Variants in EML6 observed in about 807,000 individuals in gnomAD.
The protein encoded by EML6 is EMAP like 6.
Under a neutral mutation model 240.1 loss-of-function variants are expected in EML6, and 154 were observed. The ratio of observed to expected loss-of-function variants is 0.64; its 90% CI spans 0.56 to 0.73. The LOEUF is 0.73. EML6 is among the 30% of genes least tolerant of loss of function. EML6 has a pLI of 0.00. For synonymous variants in EML6, 1,148 were observed against 899.0 expected, an observed-to-expected ratio of 1.28 and a Z score of -4.95; for missense variants, 2,964 against 2,474.6, an observed-to-expected ratio of 1.20 and a Z score of -4.20.
chr2:54,802,944 G>C (rs1056589021), intron 2 of EML6, among the ~76,000 whole-genome samples: 2 of 152,142 alleles, frequency 1.3e-5, no homozygotes, highest in African/African-American at 4.8e-5. Context: ...GCGCAGAATT[G>C]AGAGTAGTGG....
chr2:54,813,154 T>C (rs1667933425), intron 2 of EML6, 78 bp from the exon 3 acceptor site: 1 of 1,050,632 alleles, frequency 9.5e-7, no homozygotes, highest in Non-Finnish European at 1.4e-6. Flanking sequence ...ATAATTTAAA[T>C]GAGAAACAGA....
intron 2 of EML6, among the ~76,000 whole-genome samples, chr2:54,788,521 C>T (rs187600523): frequency 1.5e-3 from 227 of 152,212 alleles, no homozygotes; most frequent in African/African-American, 4.6e-3. Flanking sequence ...TCTGGGGCCG[C>T]CCCCCGCCCC....
At chr2:54,855,283 G>C (rs1286108360) in intron 11 of EML6, among the ~76,000 whole-genome samples, 1 of 151,886 alleles carries the variant, frequency 6.6e-6, no homozygotes, top group African/African-American at 2.4e-5. Flanking sequence ...AAGGTGAGGG[G>C]GAGAAGGTAC....
intron 2 of EML6, among the ~76,000 whole-genome samples, chr2:54,812,300 C>T (rs938039602): frequency 6.8e-6 from 1 of 146,806 alleles, no homozygotes; most frequent in African/African-American, 2.6e-5. Flanking sequence ...CATATACTCT[C>T]ATTAACACCA....
rs150386713 is a variant in EML6 at position 54,863,106 on chromosome 2, T to C, written c.1826-677T>C. Among the ~76,000 whole-genome samples, 761 of 152,340 alleles carry C rather than the reference T, an allele frequency of 5.0e-3. 3 individuals carry two copies. Among genetic ancestry groups the C allele is most frequent in the South Asian group, 0.016 (76 of 4,830 alleles). On this transcript the variant is annotated intron_variant, in intron 12 of 41. Transcript: ENST00000356458. The stretch of plus-strand genomic sequence containing the variant: ...GAGCAGGTGATAAAATGAAAAATTA[T>C]TTGAATAAATGTTGACAAGAGTTCT...
chr2:54,934,975 G>C (rs1272803649), intron 28 of EML6, among the ~76,000 whole-genome samples: 1 of 152,074 alleles, frequency 6.6e-6, no homozygotes, highest in African/African-American at 2.4e-5. Context: ...CTCATTTTTG[G>C]TGATAAACTG....
At chr2:54,792,593 G>C (rs1033101521) in intron 2 of EML6, among the ~76,000 whole-genome samples, 1 of 152,192 alleles carries the variant, frequency 6.6e-6, no homozygotes, top group African/African-American at 2.4e-5. Context: ...CTGCATTACT[G>C]TGGTGGTTAC....
At chr2:54,857,015 AG>A (rs976259956) in intron 11 of EML6, among the ~76,000 whole-genome samples, 8 of 152,288 alleles carry the variant, frequency 5.3e-5, no homozygotes, top group Admixed American at 5.2e-4. Flanking sequence ...ATGAGAATAG[AG>A]GAAAAGAAAG....
In EML6 at chr2:54,724,755, G is replaced by A. The variant is rs1349901936; in HGVS notation, c.-307G>A. The A allele has an allele frequency of 6.5e-6, 1 of 152,940 alleles. No individual in the cohort carries two copies. The highest frequency in any genetic ancestry group is 6.5e-5 in the Admixed American group (1 of 15,308). 9.5% of individuals were successfully genotyped at this position (152,940 alleles called of 1,614,324 possible). On this transcript the variant is annotated 5_prime_UTR_variant, in exon 2 of 42. Coordinates refer to ENST00000356458, the MANE Select transcript of EML6 (RefSeq NM_001039753.4). The surrounding 1 kb of genome is among the most constrained non-coding windows in gnomAD (Gnocchi z 5.2). ...GGCCCCCCCGAGAGCCTCTCCCGGG[G>A]GCCGGAGCCCGCAGGTGCAGTGAGG...
At chr2:54,909,425 G>C (rs760564758) in intron 24 of EML6, among the ~76,000 whole-genome samples, 3 of 152,128 alleles carry the variant, frequency 2.0e-5, no homozygotes, top group Non-Finnish European at 2.9e-5. Context: ...ATTTGCTCAA[G>C]TCAAGGAAAA....
At chr2:54,864,170 A>G (rs569357907) in intron 13 of EML6, among the ~76,000 whole-genome samples, 22 of 152,316 alleles carry the variant, frequency 1.4e-4, no homozygotes, top group Non-Finnish European at 2.8e-4. Context: ...TTTAAAATAT[A>G]TTTTGAAGAA....
chr2:54,913,071 G>GTT (rs1216432893), intron 25 of EML6, among the ~76,000 whole-genome samples: 9,866 of 125,660 alleles, frequency 0.079, 386 homozygotes, highest in Non-Finnish European at 0.097. Flanking sequence ...GCCAGATTCT[G>GTT]TTTTTTTTTT....
intron 17 of EML6, among the ~76,000 whole-genome samples, chr2:54,886,901 T>C (rs986964266): frequency 2.0e-5 from 3 of 152,160 alleles, no homozygotes; most frequent in Non-Finnish European, 2.9e-5. Context: ...AAAGATAAAA[T>C]CGGTGGTATA....
chr2:54,946,948 C>T (rs1002137115), intron 28 of EML6, among the ~76,000 whole-genome samples: 2 of 151,198 alleles, frequency 1.3e-5, no homozygotes, highest in African/African-American at 2.4e-5. Context: ...CATCGGATTG[C>T]GTCTGTGTAT....
In EML6 at chr2:54,957,722, G is replaced by C; in HGVS notation, c.4487-68G>C. The C allele has an allele frequency of 6.3e-6, 9 of 1,438,842 alleles. No homozygotes were observed. The South Asian group carries it at 1.1e-4, about 18-fold the overall frequency. The allele number at this position is 1,438,842 out of a possible 1,614,324, so 89.1% of individuals were successfully genotyped here. On this transcript the variant is annotated intron_variant, in intron 32 of 41. Transcript: ENST00000356458. ...CGCCTGCTGGGGTGGAGACCTCCTG[G>C]GCTGCGGCTCCCCCGGCCTGGCCCA...
At chr2:54,803,406 A>G (rs1670286282) in intron 2 of EML6, among the ~76,000 whole-genome samples, 1 of 152,122 alleles carries the variant, frequency 6.6e-6, no homozygotes, top group Admixed American at 6.5e-5. Flanking sequence ...GTGGTAATAA[A>G]TCATTGGGCT....
At chr2:54,911,531 G>A (rs939678045) in intron 25 of EML6, among the ~76,000 whole-genome samples, 1 of 151,288 alleles carries the variant, frequency 6.6e-6, no homozygotes, top group African/African-American at 2.4e-5. Context: ...CCAGGTTAAT[G>A]TGATTCTCCC....
At chr2:54,729,411 C>T (rs1683058090) in intron 2 of EML6, among the ~76,000 whole-genome samples, 1 of 152,206 alleles carries the variant, frequency 6.6e-6, no homozygotes, top group African/African-American at 2.4e-5. Flanking sequence ...ACTCTTGAGG[C>T]TGAGAGTGAA....
Position 54,753,968 on chromosome 2 carries a change from C to G in EML6, c.197+28710C>G, listed in dbSNP as rs113016637. The stretch of plus-strand genomic sequence containing the variant: ...TGACCAACATGGTGACTCCCTGTCT[C>G]TACTAAAAATAGAAAAATTAGCCGG... On this transcript the variant is annotated intron_variant, in intron 2 of 41. Transcript: ENST00000356458. 4.9e-3 allele frequency among the ~76,000 whole-genome samples: 740 copies of G among 151,918 alleles called. 6 individuals carry two copies. Among genetic ancestry groups the G allele is most frequent in the African/African-American group, 0.017 (717 of 41,434 alleles).
Sources: gnomAD v4.1 joint callset for allele counts (sites outside exome capture counted in the v4.1 genomes callset) on GRCh38, gnomAD v4.1.1 for gene constraint, Gnocchi (gnomAD v3.1) non-coding constraint, MANE v1.5 for transcripts, NCBI Gene and HGNC (gene_info 2026-07-23, HGNC 2026-07-21) for gene names.